CENPS: variants seen among roughly 807,000 people sequenced by gnomAD.
The protein encoded by CENPS is FANCM associated histone fold protein 1.
In CENPS, 16 loss-of-function variants were observed where a neutral mutation model predicts 17.9. The ratio of observed to expected loss-of-function variants is 0.90; its 90% CI spans 0.61 to 1.36. CENPS has a LOEUF of 1.36. CENPS is among the 40% of genes most tolerant of loss of function. CENPS has a pLI of 0.00. For missense variants in CENPS, 160 were observed against 158.6 expected (o/e 1.01, Z -0.05); for synonymous variants, 49 against 55.8 (o/e 0.88, Z 0.54).
At chr1:10,431,363 T>C (rs1639905648) in intron 1 of CENPS, 1 of 1,535,018 alleles carries the variant, frequency 6.5e-7, no homozygotes, top group Non-Finnish European at 8.7e-7. Context: ...CCCTTGTCTT[T>C]TGAGAAGTTC....
Position 10,430,539 on chromosome 1 carries a change from G to C in CENPS, c.22G>C (p.Glu8Gln). ...AGTGATGGAGGAGGAGGCGGAGACC[G>C]AGGAGCAGCAGCGATTCTCTTACCA... MEEEAET[E>Q]EQQRFSYQQR... The change falls in exon 1 of 5, where the codon GAG becomes CAG. Residue 8 changes from glutamate to glutamine, a missense_variant. Glu to Gln is a conservative substitution (Grantham distance 29). Coordinates refer to ENST00000309048, the MANE Select transcript of CENPS (RefSeq NM_199294.3). 2 of 1,536,522 alleles carry C rather than the reference G, an allele frequency of 1.3e-6. No individual in the cohort carries two copies. Among genetic ancestry groups the C allele is most frequent in the African/African-American group, 2.8e-5 (2 of 70,408 alleles).
At chr1:10,433,691 T>G in intron 1 of CENPS, 151 bp from the exon 2 acceptor site, 2 of 1,411,572 alleles carry the variant, frequency 1.4e-6, no homozygotes, top group Non-Finnish European at 9.5e-7. Flanking sequence ...TCTCATTAAC[T>G]TATTAGTACA....
chr1:10,435,738 T>C (rs2483683), intron 3 of CENPS, among the ~76,000 whole-genome samples: 72,694 of 148,498 alleles, frequency 0.49, 17,891 homozygotes, highest in South Asian at 0.58. Flanking sequence ...CACACACACA[T>C]ATACATAAAT....
chr1:10,434,653 T>C lies in CENPS; in HGVS notation c.176-4T>C, dbSNP rs550954501. On this transcript the variant is annotated splice_polypyrimidine_tract_variant and splice_region_variant and intron_variant, in intron 2 of 4. Transcript: ENST00000309048. ...AAAGTGTGTATCTTTTTTTTCTCTTTCAGAAAATTTTGCCAAAGACCTTGA... is the reference window on the plus strand; with the variant it reads ...AAAGTGTGTATCTTTTTTTTCTCTTCCAGAAAATTTTGCCAAAGACCTTGA... The C allele has an allele frequency of 6.2e-7, 1 of 1,604,260 alleles. No individual in the cohort carries two copies. The highest frequency in any genetic ancestry group is 1.1e-5 in the South Asian group (1 of 89,224).
At position 10,440,425 on chromosome 1, in the gene CENPS, ATTTC is replaced by A; in HGVS notation, c.276+17_276+20del. On this transcript the variant is annotated intron_variant, in intron 4 of 4. Transcript: ENST00000309048. The stretch of plus-strand genomic sequence containing the variant: ...GGAGTAATTCACTGGTGAGAGATGA[ATTTC>A]TTTCCTCACTCCCCTTTCCCATCGG... 1 of 1,613,630 alleles carries A rather than the reference ATTTC, an allele frequency of 6.2e-7. No individual in the cohort carries two copies. Among genetic ancestry groups the A allele is most frequent in the African/African-American group, 1.3e-5 (1 of 75,032 alleles).
chr1:10,439,455 G>A (rs762490079), intron 3 of CENPS, among the ~76,000 whole-genome samples: 15 of 152,132 alleles, frequency 9.9e-5, no homozygotes, highest in Admixed American at 9.2e-4. Context: ...AGTTTAAAGG[G>A]TGTTCTTTGT....
intron 3 of CENPS, among the ~76,000 whole-genome samples, chr1:10,437,665 C>T (rs1418596283): frequency 6.6e-6 from 1 of 151,586 alleles, no homozygotes; most frequent in Non-Finnish European, 1.5e-5. Flanking sequence ...CCATGTTGGC[C>T]AGGTTGGTCT....
chr1:10,432,079 T>G (rs187733747), intron 1 of CENPS, among the ~76,000 whole-genome samples: 3 of 152,120 alleles, frequency 2.0e-5, no homozygotes, highest in Admixed American at 2.0e-4. Flanking sequence ...TACCCTGTTT[T>G]TTTTTGGTTG....
chr1:10,431,296 T>C, intron 1 of CENPS: 1 of 1,535,148 alleles, frequency 6.5e-7, no homozygotes, highest in Non-Finnish European at 8.7e-7. Flanking sequence ...GGGAATGAGC[T>C]CCAGACGCGG....
At chr1:10,441,173 C>T (rs1414640695) in intron 4 of CENPS, among the ~76,000 whole-genome samples, 1 of 152,038 alleles carries the variant, frequency 6.6e-6, no homozygotes, top group Admixed American at 6.6e-5. Context: ...TTATTTAATG[C>T]TCACAACTTT....
chr1:10,441,010 C>T (rs1436977526), intron 4 of CENPS, among the ~76,000 whole-genome samples: 1 of 152,182 alleles, frequency 6.6e-6, no homozygotes, highest in African/African-American at 2.4e-5. Context: ...CCCACAAGAG[C>T]AGGGGCTTTT....
intron 3 of CENPS, among the ~76,000 whole-genome samples, chr1:10,435,414 G>A (rs761545648): frequency 3.7e-4 from 56 of 151,930 alleles, no homozygotes; most frequent in African/African-American, 1.3e-3. Context: ...TTTGTTTCTC[G>A]GGTGCGTGTT....
At chr1:10,430,872 T>C in intron 1 of CENPS, 1 of 1,301,128 alleles carries the variant, frequency 7.7e-7, no homozygotes, top group Non-Finnish European at 9.7e-7. Flanking sequence ...TTTCCCCTTC[T>C]CAGATGGGGT....
At chr1:10,441,232 G>T (rs1212514765) in intron 4 of CENPS, among the ~76,000 whole-genome samples, 1 of 150,788 alleles carries the variant, frequency 6.6e-6, no homozygotes, top group African/African-American at 2.4e-5. Context: ...CTGTTGCCCA[G>T]GCTGGTCTTG....
chr1:10,434,279 C>T (rs1002561706), intron 2 of CENPS, among the ~76,000 whole-genome samples: 23 of 152,190 alleles, frequency 1.5e-4, no homozygotes, highest in African/African-American at 5.3e-4. Flanking sequence ...TTTATATCAC[C>T]CATAGTTTCT....
chr1:10,431,854 A>AGG (rs1203512807), intron 1 of CENPS, among the ~76,000 whole-genome samples: 2 of 102,822 alleles, frequency 1.9e-5, no homozygotes, highest in African/African-American at 8.6e-5. Flanking sequence ...ACTCCATCTC[A>AGG]GAAAAAAAAA....
At chr1:10,439,615 G>A (rs534685667) in intron 3 of CENPS, among the ~76,000 whole-genome samples, 11 of 152,178 alleles carry the variant, frequency 7.2e-5, no homozygotes, top group African/African-American at 2.4e-4. Context: ...GGTGGCGGGC[G>A]CCTGTAATCC....
chr1:10,431,713 G>C (rs1244966401), intron 1 of CENPS, among the ~76,000 whole-genome samples: 2 of 152,028 alleles, frequency 1.3e-5, no homozygotes, highest in African/African-American at 4.8e-5. Flanking sequence ...AATTAGCCGA[G>C]TGTGGTGGCA....
In CENPS at chr1:10,441,520, C is replaced by T. The variant is rs141283759; in HGVS notation, c.277-745C>T. ...GTAGAGACGGGGTTTCACCATATTG[C>T]CTGGGCTGGTCTCAAACTCCTGGGC... On this transcript the variant is annotated intron_variant, in intron 4 of 4. Transcript: ENST00000309048. 1.4e-3 allele frequency among the ~76,000 whole-genome samples: 207 copies of T among 150,986 alleles called. 7 individuals carry two copies. The East Asian group carries it at 0.032, about 23-fold the overall frequency.
Sources: allele counts gnomAD v4.1 joint callset (sites outside exome capture counted in the v4.1 genomes callset), GRCh38; gene constraint gnomAD v4.1.1; transcripts MANE v1.5; gene names NCBI Gene and HGNC (gene_info 2026-07-23, HGNC 2026-07-21).